Variants in PZP observed in about 807,000 individuals in gnomAD.
PZP encodes the protein pregnancy zone protein.
PZP carries 150 observed loss-of-function variants against 179.8 expected under a neutral mutation model. The ratio of observed to expected loss-of-function variants is 0.83; its 90% CI spans 0.73 to 0.96. PZP has a LOEUF of 0.96. PZP is among the 40% of genes least tolerant of loss of function. PZP has a pLI of 0.00. For missense variants in PZP, 1,689 were observed against 1,764.0 expected, an observed-to-expected ratio of 0.96 and a Z score of 0.76; for synonymous variants, 624 against 652.3, an observed-to-expected ratio of 0.96 and a Z score of 0.66.
At position 9,160,944 on chromosome 12, in the gene PZP, A is replaced by G. The variant is rs1207309552; in HGVS notation, c.2872+89T>C. The G allele has an allele frequency of 8.8e-6, 10 of 1,130,298 alleles. No homozygotes were observed. In the Admixed American group the frequency reaches 1.8e-4, roughly 20 times the overall value. The allele number at this position is 1,130,298 out of a possible 1,614,324, so 70.0% of individuals were successfully genotyped here. A position where few individuals can be genotyped will look rare whatever the true frequency, so the allele number is the denominator to read the frequency against. On this transcript the variant is annotated intron_variant, in intron 23 of 35. Transcript: ENST00000261336. Reference sequence around the variant, plus strand: ...AAATAAAAAAGAATAGCAGCTATCAAGAACTTGATAATTCAAATACAAATA... The same window carrying G: ...AAATAAAAAAGAATAGCAGCTATCAGGAACTTGATAATTCAAATACAAATA...
intron 15 of PZP, among the ~76,000 whole-genome samples, chr12:9,174,042 G>A (rs1393695847): frequency 6.6e-6 from 1 of 151,960 alleles, no homozygotes; most frequent in African/African-American, 2.4e-5. Context: ...AGCTTCAGGC[G>A]AATATCCCTG....
At chr12:9,197,373 A>G (rs1943841165) in intron 7 of PZP, among the ~76,000 whole-genome samples, 1 of 142,446 alleles carries the variant, frequency 7.0e-6, no homozygotes, top group Non-Finnish European at 1.5e-5. Context: ...ATATTTTTAT[A>G]TATTTAATAT....
At position 9,196,566 on chromosome 12, in the gene PZP, C is replaced by T; in HGVS notation, c.982+5G>A. The stretch of plus-strand genomic sequence containing the variant: ...TTATTTCCCATATTCGTTCATTACT[C>T]ACACCTGTCCCCTCTTCTCTGATCC... On this transcript the variant is annotated splice_donor_5th_base_variant and intron_variant, in intron 9 of 35. Transcript: ENST00000261336. The T allele has an allele frequency of 6.3e-7, 1 of 1,595,988 alleles. No homozygotes were observed. Among genetic ancestry groups the T allele is most frequent in the Non-Finnish European group, 8.6e-7 (1 of 1,163,664 alleles).
intron 13 of PZP, among the ~76,000 whole-genome samples, chr12:9,191,471 A>G (rs891545600): frequency 1.3e-5 from 2 of 152,016 alleles, no homozygotes; most frequent in African/African-American, 4.8e-5. Context: ...AATTGTTTCA[A>G]TTTTCAAAAC....
Position 9,165,223 on chromosome 12 carries a change from C to T in PZP, c.2403G>A (p.Glu801=). ...GAATCACAGAGTAAGGCATTGTGAGCTCCACAAAGAAGGGCTGGAAGGCTC... is the reference window on the plus strand; with the variant it reads ...GAATCACAGAGTAAGGCATTGTGAGTTCCACAAAGAAGGGCTGGAAGGCTC... ...SLRAFQPFFV[E]LTMPYSVIRG... is the part of the protein sequence containing the mutation. The change falls in exon 19 of 36, where the codon GAG becomes GAA. Residue 801 remains glutamate, a synonymous_variant. Coordinates refer to ENST00000261336, the MANE Select transcript of PZP (RefSeq NM_002864.3). The T allele has an allele frequency of 5.0e-6, 8 of 1,614,168 alleles. No individual in the cohort carries two copies. The highest frequency in any genetic ancestry group is 6.8e-6 in the Non-Finnish European group (8 of 1,180,030).
At chr12:9,143,632 G>T in the PZP span, among the ~76,000 whole-genome samples, 1 of 152,128 alleles carries the variant, frequency 6.6e-6, no homozygotes, top group African/African-American at 2.4e-5. Context: ...CCTGCCATTT[G>T]CTGTTCCTGG....
intron 13 of PZP, among the ~76,000 whole-genome samples, chr12:9,187,679 G>A (rs772801212): frequency 2.6e-5 from 4 of 152,288 alleles, no homozygotes; most frequent in Admixed American, 1.3e-4. Context: ...CACAGCTAAG[G>A]CGGTGTTAAG....
At chr12:9,197,902 T>C (rs1353476166) in intron 7 of PZP, among the ~76,000 whole-genome samples, 1 of 126,582 alleles carries the variant, frequency 7.9e-6, no homozygotes, top group Non-Finnish European at 1.6e-5. Context: ...ATAAATTATA[T>C]ATATTTATAT....
At chr12:9,164,045 C>A in intron 20 of PZP, 88 bp downstream of exon 20, 1 of 1,455,984 alleles carries the variant, frequency 6.9e-7, no homozygotes. Flanking sequence ...ATATCTATGG[C>A]AAATAAAAGA....
chr12:9,157,066 C>T (rs1940809743), intron 28 of PZP, 109 bp downstream of exon 28: 2 of 1,049,638 alleles, frequency 1.9e-6, no homozygotes, highest in African/African-American at 1.6e-5. Context: ...AGCTATCTAT[C>T]CTGATGCTCT....
rs745871416 is a variant in PZP, at chr12:9,170,899, G to C, written c.1840-1308C>G. On this transcript the variant is annotated intron_variant, in intron 15 of 35. Coordinates refer to ENST00000261336, the MANE Select transcript of PZP (RefSeq NM_002864.3). The surrounding 1 kb of genome is among the most constrained non-coding windows in gnomAD (Gnocchi z 4.6). ...GGGGTGTCTGCCATCTCTGCAGTTTGGTTGACTCTGCCACTCCAACCTGCT... is the reference window on the plus strand; with the variant it reads ...GGGGTGTCTGCCATCTCTGCAGTTTCGTTGACTCTGCCACTCCAACCTGCT... Among the ~76,000 whole-genome samples, 3 of 152,278 alleles carry C rather than the reference G, an allele frequency of 2.0e-5. No homozygotes were observed. The highest frequency in any genetic ancestry group is 7.2e-5 in the African/African-American group (3 of 41,570).
chr12:9,149,826 A>C (rs1025792404), intron 34 of PZP, among the ~76,000 whole-genome samples: 4 of 152,210 alleles, frequency 2.6e-5, no homozygotes, highest in African/African-American at 9.7e-5. Context: ...CAGCTGTTCA[A>C]ATTTTAAATT....
At chr12:9,194,462 GTTT>G (rs5796342) in intron 10 of PZP, among the ~76,000 whole-genome samples, 6 of 90,796 alleles carry the variant, frequency 6.6e-5, no homozygotes, top group Non-Finnish European at 2.3e-5. Context: ...AAGTCAGGGA[GTTT>G]TTTTTTTTTT....
chr12:9,153,196 G>C lies in PZP; in HGVS notation c.3922C>G (p.Gln1308Glu). ...VDNNNLLLLQQISLPELPGEY... is the reference protein window; with the variant it reads ...VDNNNLLLLQEISLPELPGEY... Reference sequence around the variant, plus strand: ...CCAGGGAGCTCTGGCAATGAGATCTGCTGCAGTAATAGGAGGTTGTTGTTG... The same window carrying C: ...CCAGGGAGCTCTGGCAATGAGATCTCCTGCAGTAATAGGAGGTTGTTGTTG... Residue 1308 changes from glutamine to glutamate, a missense_variant, in exon 30 of 36, where the codon CAG (glutamine) becomes GAG (glutamate). Gln to Glu is a conservative substitution (Grantham distance 29). Around this residue, in one of 3 missense-constraint regions of PZP, gnomAD observed 746 missense variants for 749.2 expected, o/e 1.00. Coordinates refer to ENST00000261336, the MANE Select transcript of PZP (RefSeq NM_002864.3). The C allele has an allele frequency of 6.2e-7, 1 of 1,614,174 alleles. No homozygotes were observed. Among genetic ancestry groups the C allele is most frequent in the Non-Finnish European group, 8.5e-7 (1 of 1,180,008 alleles).
At position 9,205,139 on chromosome 12, in the gene PZP, T is replaced by C. The variant is rs115616289; in HGVS notation, c.84-1188A>G. 5.7e-3 allele frequency among the ~76,000 whole-genome samples: 870 copies of C among 152,316 alleles called. 3 individuals are homozygous for C. Among genetic ancestry groups the C allele is most frequent in the African/African-American group, 0.02 (814 of 41,562 alleles). On this transcript the variant is annotated intron_variant, in intron 1 of 35. Transcript: ENST00000261336. ...TATATGAGTACTAAAAGTCATATTATTTTGAAAAGTCTTTTCTTTTTTATT... is the reference window on the plus strand; with the variant it reads ...TATATGAGTACTAAAAGTCATATTACTTTGAAAAGTCTTTTCTTTTTTATT...
intron 21 of PZP, among the ~76,000 whole-genome samples, chr12:9,163,149 A>G (rs921075498): frequency 3.9e-5 from 6 of 152,094 alleles, no homozygotes; most frequent in Non-Finnish European, 7.4e-5. Context: ...TATGAGAGAT[A>G]TGTGAATCTT....
the PZP span, among the ~76,000 whole-genome samples, chr12:9,137,046 A>G: frequency 6.6e-6 from 1 of 152,080 alleles, no homozygotes; most frequent in Admixed American, 6.5e-5. Flanking sequence ...AGTTCAACTT[A>G]TTTGTTTTTG....
intron 13 of PZP, among the ~76,000 whole-genome samples, chr12:9,187,241 T>C (rs1208315519): frequency 6.6e-6 from 1 of 152,038 alleles, no homozygotes; most frequent in Non-Finnish European, 1.5e-5. Context: ...CACACAATAA[T>C]ATTGAGAAAC....
Position 9,201,033 on chromosome 12 carries a change from A to G in PZP, c.529T>C (p.Trp177Arg), listed in dbSNP as rs931536428. The G allele has an allele frequency of 4.3e-6, 7 of 1,613,928 alleles. No homozygotes were observed. The highest frequency in any genetic ancestry group is 1.7e-5 in the Admixed American group (1 of 59,988). Residue 177 changes from tryptophan to arginine, a missense_variant, in exon 6 of 36, where the codon TGG becomes CGG. Transcript: ENST00000261336. ...ENPRRNRIAQWQSLKLEAGIN... is the reference protein window; with the variant it reads ...ENPRRNRIAQRQSLKLEAGIN... ...CCAGCTTCTAGCTTGAGACTCTGCC[A>G]TTGTGCAATTCGATTTCTTCTTGGG...
Sources: gnomAD v4.1 joint callset for allele counts (sites outside exome capture counted in the v4.1 genomes callset) on GRCh38, gnomAD v4.1.1 for gene constraint, gnomAD v4.1.1 regional missense constraint, Gnocchi (gnomAD v3.1) non-coding constraint, MANE v1.5 for transcripts, NCBI Gene and HGNC (gene_info 2026-07-23, HGNC 2026-07-21) for gene names.